Variants in WDR47 observed in about 807,000 individuals in gnomAD.
WDR47 encodes the protein WD repeat-containing protein 47.
In WDR47, 32 loss-of-function variants were observed where a neutral mutation model predicts 97.2. That is an observed-to-expected ratio of 0.33 (90% confidence interval 0.25 to 0.44). The LOEUF (loss-of-function observed/expected upper bound fraction) is 0.44. WDR47 is among the 20% of genes least tolerant of loss of function. The pLI is 1.00. For missense variants in WDR47, 782 were observed against 1,102.3 expected (o/e 0.71, Z 4.11); for synonymous variants, 375 against 373.5 (o/e 1.00, Z -0.05).
rs761281237 is a variant in WDR47, at chr1:108,995,755, C to G, written c.1516G>C (p.Gly506Arg). 6.2e-7 allele frequency: 1 copy of G among 1,614,126 alleles called. No individual in the cohort carries two copies. The highest frequency in any genetic ancestry group is 1.1e-5 in the South Asian group (1 of 91,088). ...CCATTAGATCCATTGCCTTTGCTCCCATTACATTGCTGGTTGAGTGCTGAT... is the reference window on the plus strand; with the variant it reads ...CCATTAGATCCATTGCCTTTGCTCCGATTACATTGCTGGTTGAGTGCTGAT... ...EVSALNQQCN[G>R]SKGNGSNGSS... Residue 506 changes from glycine (G) to arginine (R), a missense_variant, in exon 8 of 15, where the codon GGG (glycine) becomes CGG (arginine). Gly to Arg is a moderately radical substitution (Grantham distance 125). Coordinates refer to ENST00000369962, the MANE Select transcript of WDR47 (RefSeq NM_001142551.2).
rs945761603 is a variant in WDR47, at chr1:109,017,229, C to T, written c.242+289G>A. On this transcript the variant is annotated intron_variant, in intron 3 of 14. Transcript: ENST00000369962. ...GGAAGCCTGGGCAACATGGTGAAACCCTAACTCTAAAAAAAATACAAAATT... is the reference window on the plus strand; with the variant it reads ...GGAAGCCTGGGCAACATGGTGAAACTCTAACTCTAAAAAAAATACAAAATT... Among the ~76,000 whole-genome samples, 3 of 152,030 alleles carry T rather than the reference C, an allele frequency of 2.0e-5. 1 individual carries two copies. The South Asian group carries it at 6.2e-4, about 32-fold the overall frequency.
At chr1:108,998,659 G>A (rs1046461345) in intron 7 of WDR47, among the ~76,000 whole-genome samples, 1 of 152,106 alleles carries the variant, frequency 6.6e-6, no homozygotes, top group African/African-American at 2.4e-5. Context: ...TAATGATACA[G>A]TACTATTAAT....
intron 2 of WDR47, among the ~76,000 whole-genome samples, chr1:109,022,875 C>T (rs1661947721): frequency 6.6e-6 from 1 of 151,742 alleles, no homozygotes; most frequent in Non-Finnish European, 1.5e-5. Flanking sequence ...CGTGAGCCAC[C>T]ACGCCCAGCC....
intron 10 of WDR47, among the ~76,000 whole-genome samples, chr1:108,983,855 A>G (rs541783504): frequency 1.7e-4 from 26 of 152,362 alleles, no homozygotes; most frequent in African/African-American, 6.3e-4. Flanking sequence ...TAAACATATA[A>G]TGTGAGCAAT....
intron 1 of WDR47, chr1:109,030,189 A>C: frequency 1.3e-6 from 2 of 1,506,286 alleles, no homozygotes; most frequent in East Asian, 2.4e-5. Context: ...AGGATAATAT[A>C]AATCACCACG....
chr1:109,020,838 A>ATTG (rs1306416227), intron 2 of WDR47, among the ~76,000 whole-genome samples: 1 of 150,962 alleles, frequency 6.6e-6, no homozygotes, highest in South Asian at 2.1e-4. Flanking sequence ...TATTGCTGTT[A>ATTG]TTGTTGTTGT....
At chr1:108,997,313 C>G (rs1659825782) in intron 7 of WDR47, among the ~76,000 whole-genome samples, 1 of 150,058 alleles carries the variant, frequency 6.7e-6, no homozygotes, top group African/African-American at 2.5e-5. Context: ...CATGGTGGTG[C>G]AGGCCTATGG....
chr1:109,036,162 T>A (rs1272765346), intron 1 of WDR47, among the ~76,000 whole-genome samples: 1 of 152,168 alleles, frequency 6.6e-6, no homozygotes, highest in Non-Finnish European at 1.5e-5. Flanking sequence ...TATTTTAGGA[T>A]CTTACATTCA....
chr1:109,004,561 T>C, intron 6 of WDR47, 31 bp downstream of exon 6: 1 of 1,590,418 alleles, frequency 6.3e-7, no homozygotes. Flanking sequence ...AGAGAATAAC[T>C]CTGAAAAACA....
At chr1:109,029,439 A>G (rs1350898799) in intron 1 of WDR47, among the ~76,000 whole-genome samples, 1 of 151,902 alleles carries the variant, frequency 6.6e-6, no homozygotes, top group Non-Finnish European at 1.5e-5. Context: ...GCTGGTGGAT[A>G]ACCTGAGGTC....
intron 5 of WDR47, among the ~76,000 whole-genome samples, chr1:109,005,855 G>A (rs1413006060): frequency 2.0e-5 from 3 of 152,024 alleles, no homozygotes; most frequent in Non-Finnish European, 4.4e-5. Context: ...GTGACAGAGT[G>A]AGACTCCACC....
At chr1:109,033,010 A>ATGGGGC (rs1186298533) in intron 1 of WDR47, among the ~76,000 whole-genome samples, 2 of 151,452 alleles carry the variant, frequency 1.3e-5, no homozygotes, top group East Asian at 4.0e-4. Context: ...AAAGAGTTAA[A>ATGGGGC]TGGGGCTGGG....
chr1:109,036,815 G>A (rs998290805), intron 1 of WDR47, among the ~76,000 whole-genome samples: 7 of 151,728 alleles, frequency 4.6e-5, no homozygotes, highest in Admixed American at 1.3e-4. Context: ...AGCCTGGGGC[G>A]ACAGAGTGAG....
intron 5 of WDR47, among the ~76,000 whole-genome samples, chr1:109,008,754 C>A (rs746364711): frequency 6.6e-6 from 1 of 151,896 alleles, no homozygotes; most frequent in Non-Finnish European, 1.5e-5. Context: ...ACTACAGGCC[C>A]GTGCCACCAC....
chr1:108,994,146 C>CCAGCACTT (rs1202211589), intron 8 of WDR47, among the ~76,000 whole-genome samples: 30 of 152,118 alleles, frequency 2.0e-4, no homozygotes, highest in Non-Finnish European at 3.8e-4. Flanking sequence ...GCCTGTAACT[C>CCAGCACTT]CAGCACTTTG....
chr1:109,026,881 C>T (rs1662250787), intron 1 of WDR47, among the ~76,000 whole-genome samples: 1 of 151,990 alleles, frequency 6.6e-6, no homozygotes, highest in African/African-American at 2.4e-5. Flanking sequence ...CCTAAGAGAA[C>T]TACATTCTTA....
At position 109,023,505 on chromosome 1, in the gene WDR47, G is replaced by A. The variant is rs1260587434; in HGVS notation, c.8C>T (p.Ala3Val). The A allele has an allele frequency of 3.1e-6, 5 of 1,612,260 alleles. No individual in the cohort carries two copies. Among genetic ancestry groups the A allele is most frequent in the Admixed American group, 1.7e-5 (1 of 59,854 alleles). ...CTCTTTTACATTCACTGTTTCTTCA[G>A]CCGTCATATTGATAGCCTAAATATG... is the stretch of plus-strand genomic sequence containing the variant. Reference protein sequence around the residue: MTAEETVNVKEVE... With the variant: MTVEETVNVKEVE... Residue 3 changes from alanine (A) to valine (V), a missense_variant, in exon 2 of 15, where the codon GCT (alanine) becomes GTT (valine). By Grantham distance (64) the Ala-to-Val change is moderately conservative (BLOSUM62 0). This residue lies in a region of WDR47 where 428 missense variants were observed against 584.3 expected (regional missense o/e 0.73). Coordinates refer to ENST00000369962, the MANE Select transcript of WDR47 (RefSeq NM_001142551.2).
chr1:109,015,149 T>C (rs570518297), intron 3 of WDR47, among the ~76,000 whole-genome samples: 2 of 152,220 alleles, frequency 1.3e-5, no homozygotes, highest in Non-Finnish European at 2.9e-5. Flanking sequence ...AAGTAAAGAA[T>C]GTACAAACGC....
Position 109,004,595 on chromosome 1 carries a change from AT to A in WDR47, c.1250del (p.Asn417MetfsTer24). ...QNPGPAKQEKNELRDSTEQFQ... is the reference protein window; with the variant it reads ...QNPGPAKQEKXELRDSTEQFQ... ...CACTAGGTTTAGTAAATATTACCTC[AT>A]TTTTTTCTTGTTTAGCTGGTCCTGG... On this transcript the variant is annotated frameshift_variant, in exon 6 of 15. Coordinates refer to ENST00000369962, the MANE Select transcript of WDR47 (RefSeq NM_001142551.2). LOFTEE classifies it high-confidence loss of function. 1.9e-6 allele frequency: 3 copies of A among 1,610,086 alleles called. No individual in the cohort carries two copies. Among genetic ancestry groups the A allele is most frequent in the Non-Finnish European group, 2.5e-6 (3 of 1,178,598 alleles).
Sources: gnomAD v4.1 joint callset for allele counts (sites outside exome capture counted in the v4.1 genomes callset) on GRCh38, gnomAD v4.1.1 for gene constraint, gnomAD v4.1.1 regional missense constraint, MANE v1.5 for transcripts, NCBI Gene and HGNC (gene_info 2026-07-23, HGNC 2026-07-21) for gene names.